The following CRYBG1 variants were observed in gnomAD, a reference collection of about 807,000 sequenced individuals.
CRYBG1 encodes beta/gamma crystallin domain-containing protein 1.
Under a neutral mutation model 189.2 loss-of-function variants are expected in CRYBG1, and 139 were observed. The observed-to-expected ratio is 0.73, with a 90% CI of 0.64 to 0.85. The LOEUF (loss-of-function observed/expected upper bound fraction) is 0.85. Among genes scored for constraint, CRYBG1 ranks in the 40% least tolerant of loss-of-function variants. The probability of loss-of-function intolerance (pLI) is 0.00; values close to 1 mark genes in which losing one functional copy is unlikely to be tolerated. For missense variants in CRYBG1, 2,611 were observed against 2,675.8 expected (o/e 0.98, Z 0.53); for synonymous variants, 1,023 against 1,017.1 (o/e 1.01, Z -0.11).
At chr6:106,539,373 C>G (rs745587254) in intron 8 of CRYBG1, 30 bp from the exon 9 acceptor site, 36 of 1,610,136 alleles carry the variant, frequency 2.2e-5, no homozygotes, top group Non-Finnish European at 3.0e-5. Flanking sequence ...GAGTCGGCTC[C>G]CTTTCTTTCC....
intron 2 of CRYBG1, chr6:106,454,867 A>T (rs1476654716): frequency 6.6e-6 from 1 of 152,430 alleles, no homozygotes. Context: ...CTAATTGATC[A>T]CAACCAGTTA....
In CRYBG1 at chr6:106,553,702, G is replaced by A. The variant is rs142434552; in HGVS notation, c.5585+135G>A. The A allele has an allele frequency of 1.6e-4, 109 of 675,084 alleles. 1 individual carries two copies. Among genetic ancestry groups the A allele is most frequent in the African/African-American group, 1.4e-3 (76 of 54,158 alleles). 41.8% of individuals were successfully genotyped at this position (675,084 alleles called of 1,614,324 possible). On this transcript the variant is annotated intron_variant, in intron 16 of 21. Transcript: ENST00000633556. ...CCATCTTAGTCCAATGGCGTGCTTC[G>A]TGATATCTGAGTACCAGACGCCAGA... is the stretch of plus-strand genomic sequence containing the variant.
chr6:106,553,613 CAGA>C (rs762446081), intron 16 of CRYBG1, 46 bp downstream of exon 16: 1 of 1,264,578 alleles, frequency 7.9e-7, no homozygotes, highest in African/African-American at 1.5e-5. Flanking sequence ...TGGAGTAAAA[CAGA>C]ATTCACACAT....
chr6:106,476,969 T>C lies in CRYBG1; in HGVS notation c.312+25137T>C, dbSNP rs1011302012. 3.9e-5 allele frequency among the ~76,000 whole-genome samples: 6 copies of C among 152,358 alleles called. No homozygotes were observed. The South Asian group carries it at 1.2e-3, about 32-fold the overall frequency. On this transcript the variant is annotated intron_variant, in intron 2 of 21. Transcript: ENST00000633556. ...CTACCTCATCAGGTCATTGTGAGGA[T>C]ACATGTGTTTATTACATGTAAAGTA...
intron 2 of CRYBG1, among the ~76,000 whole-genome samples, chr6:106,497,608 G>A (rs1772881889): frequency 6.6e-6 from 1 of 152,208 alleles, no homozygotes; most frequent in Admixed American, 6.5e-5. Context: ...ACAGCCCAAA[G>A]GAACAGAACA....
chr6:106,471,040 A>G (rs2114466794), intron 2 of CRYBG1, among the ~76,000 whole-genome samples: 1 of 152,284 alleles, frequency 6.6e-6, no homozygotes, highest in Admixed American at 6.5e-5. Flanking sequence ...TTCTTGCAGT[A>G]TTTCAGCCCC....
chr6:106,432,485 A>C lies in CRYBG1; in HGVS notation c.174-19209A>C, dbSNP rs568782657. Reference sequence around the variant, plus strand: ...TTGTCCTACAAGCTGTGGTAGGTACAAAGATGAAAGATGACCCAGTACCTA... The same window carrying C: ...TTGTCCTACAAGCTGTGGTAGGTACCAAGATGAAAGATGACCCAGTACCTA... On this transcript the variant is annotated intron_variant, in intron 1 of 21. Coordinates refer to ENST00000633556, the MANE Select transcript of CRYBG1 (RefSeq NM_001371242.2). 7.3e-5 allele frequency among the ~76,000 whole-genome samples: 11 copies of C among 149,678 alleles called. No homozygotes were observed. In the East Asian group the frequency reaches 2.2e-3, roughly 30 times the overall value.
chr6:106,395,797 A>G (rs1770591810), intron 1 of CRYBG1, among the ~76,000 whole-genome samples: 1 of 150,364 alleles, frequency 6.7e-6, no homozygotes, highest in South Asian at 2.1e-4. Context: ...CAGACCCCAT[A>G]TACATATATA....
Position 106,571,818 on chromosome 6 carries a change from G to T in CRYBG1, c.*3252G>T. The T allele has an allele frequency of 3.8e-6, 2 of 531,718 alleles. No individual in the cohort carries two copies. Among genetic ancestry groups the T allele is most frequent in the Non-Finnish European group, 3.4e-6 (1 of 297,196 alleles). The allele number at this position is 531,718 out of a possible 1,614,324, so 32.9% of individuals were successfully genotyped here. Reference sequence around the variant, plus strand: ...TTCTACTGACTACAGACAAATCCAAGTGCTGATATTTTTATATCAATTACT... The same window carrying T: ...TTCTACTGACTACAGACAAATCCAATTGCTGATATTTTTATATCAATTACT... On this transcript the variant is annotated 3_prime_UTR_variant, in exon 22 of 22. Transcript: ENST00000633556.
At chr6:106,564,196 CG>C (rs1491277110) in intron 21 of CRYBG1, among the ~76,000 whole-genome samples, 1 of 152,104 alleles carries the variant, frequency 6.6e-6, no homozygotes, top group Non-Finnish European at 1.5e-5. Context: ...AACAAAACCC[CG>C]GAAGCTCAAA....
chr6:106,561,497 C>T lies in CRYBG1; in HGVS notation c.6135C>T (p.Cys2045=). The T allele has an allele frequency of 1.9e-6, 3 of 1,611,110 alleles. No individual in the cohort carries two copies. Among genetic ancestry groups the T allele is most frequent in the Non-Finnish European group, 2.5e-6 (3 of 1,178,128 alleles). ...TCTATCAAGAAGGATGTATCAAATG[C>T]AGGGTGAGCTTTAGGATTCCACGGG... is the stretch of plus-strand genomic sequence containing the variant. ...IWIYQEGCIK[C]RIAEDCCLTI... The change falls in exon 20 of 22, where the codon TGC becomes TGT. Residue 2045 remains cysteine (C), a synonymous_variant. Coordinates refer to ENST00000633556, the MANE Select transcript of CRYBG1 (RefSeq NM_001371242.2).
chr6:106,401,888 A>G (rs553395054), intron 1 of CRYBG1, among the ~76,000 whole-genome samples: 1,980 of 151,392 alleles, frequency 0.013, 30 homozygotes, highest in African/African-American at 0.046. Context: ...TGTCTTTATA[A>G]CAGCATGATT....
chr6:106,524,751 GGTAA>G (rs1257810372), intron 4 of CRYBG1, among the ~76,000 whole-genome samples: 2 of 152,136 alleles, frequency 1.3e-5, no homozygotes, highest in African/African-American at 4.8e-5. Context: ...GCTCTTTCTA[GGTAA>G]GTGATTAATA....
chr6:106,387,775 G>A (rs928534170), intron 1 of CRYBG1, among the ~76,000 whole-genome samples: 4 of 151,980 alleles, frequency 2.6e-5, no homozygotes, highest in Non-Finnish European at 5.9e-5. Flanking sequence ...GATTCTCATG[G>A]TAACAAAATT....
intron 2 of CRYBG1, among the ~76,000 whole-genome samples, chr6:106,504,646 TG>T: frequency 7.3e-6 from 1 of 136,762 alleles, no homozygotes; most frequent in Admixed American, 7.9e-5. Context: ...TGTGCGTGTG[TG>T]TGTTTGTGTG....
chr6:106,452,806 C>T (rs1039261556), intron 2 of CRYBG1, among the ~76,000 whole-genome samples: 2 of 152,184 alleles, frequency 1.3e-5, no homozygotes, highest in African/African-American at 4.8e-5. Context: ...AGACATTACT[C>T]ATGCACTTAC....
intron 2 of CRYBG1, among the ~76,000 whole-genome samples, chr6:106,498,594 A>T (rs1381588631): frequency 6.6e-6 from 1 of 152,216 alleles, no homozygotes; most frequent in African/African-American, 2.4e-5. Context: ...TGACCATCAG[A>T]AATATTAATA....
chr6:106,461,019 T>A (rs756759909), intron 2 of CRYBG1, among the ~76,000 whole-genome samples: 2 of 152,130 alleles, frequency 1.3e-5, no homozygotes, highest in Non-Finnish European at 2.9e-5. Flanking sequence ...ACTCCTGACC[T>A]CATGATATGC....
At chr6:106,561,276 T>G (rs2114598203) in intron 19 of CRYBG1, 66 bp from the exon 20 acceptor site, 2 of 1,523,590 alleles carry the variant, frequency 1.3e-6, no homozygotes, top group Non-Finnish European at 1.8e-6. Flanking sequence ...TTCCTGATAT[T>G]CATGCTTGTT....
Sources: gnomAD v4.1 joint callset for allele counts (sites outside exome capture counted in the v4.1 genomes callset) on GRCh38, gnomAD v4.1.1 for gene constraint, MANE v1.5 for transcripts, NCBI Gene and HGNC (gene_info 2026-07-23, HGNC 2026-07-21) for gene names.